Variants in SLC38A7 observed in about 807,000 individuals in gnomAD.
SLC38A7 encodes the protein solute carrier family 38 member 7.
SLC38A7 carries 29 observed loss-of-function variants against 50.1 expected under a neutral mutation model. The observed-to-expected ratio is 0.58, with a 90% CI of 0.43 to 0.79. The LOEUF is 0.79. Ranked by LOEUF, SLC38A7 falls within the 30% of genes least tolerant of loss-of-function variation. The pLI, the probability that SLC38A7 is intolerant of heterozygous loss-of-function variation, is 0.00. For missense variants in SLC38A7, 483 were observed against 610.6 expected (o/e 0.79, Z 2.20); for synonymous variants, 244 against 245.9 (o/e 0.99, Z 0.07).
In SLC38A7 at chr16:58,678,892, A is replaced by G. The variant is rs147354575; in HGVS notation, c.273T>C (p.Gly91=). 8.6e-5 allele frequency: 139 copies of G among 1,612,432 alleles called. No individual in the cohort carries two copies. In the East Asian group the frequency reaches 2.3e-3, roughly 27 times the overall value. Residue 91 remains glycine (G), a splice_region_variant and synonymous_variant, in exon 4 of 12, where the codon GGT becomes GGC. Coordinates refer to ENST00000219320, the MANE Select transcript of SLC38A7 (RefSeq NM_018231.3). This position sits in a 1 kb window ranked among gnomAD's most constrained non-coding sequence, Gnocchi z 4.0. ...GGCCACTGATGATGAAAACCAGCATACCCTGCAGGCAGAGGCAGAACAAGA... is the reference window on the plus strand; with the variant it reads ...GGCCACTGATGATGAAAACCAGCATGCCCTGCAGGCAGAGGCAGAACAAGA... ...GVAAGIALQM[G]MLVFIISGLV...
chr16:58,675,020 A>G (rs1190272648), intron 8 of SLC38A7, among the ~76,000 whole-genome samples: 1 of 151,978 alleles, frequency 6.6e-6, no homozygotes, highest in South Asian at 2.1e-4. Context: ...ACCTGCCCCC[A>G]TCACACACCA....
intron 8 of SLC38A7, chr16:58,675,260 A>C: frequency 2.5e-6 from 1 of 398,548 alleles, no homozygotes; most frequent in Non-Finnish European, 4.8e-6. Flanking sequence ...TAACCCCAGC[A>C]CTTTGGGAGG....
chr16:58,673,083 ATTTTTTTTTT>A (rs34081609), intron 8 of SLC38A7, among the ~76,000 whole-genome samples: 5 of 60,392 alleles, frequency 8.3e-5, no homozygotes, highest in East Asian at 6.0e-4. Flanking sequence ...TGCCCGGCTA[ATTTTTTTTTT>A]TTTTTTTTTT....
chr16:58,669,501 A>T (rs778781704), intron 11 of SLC38A7, among the ~76,000 whole-genome samples: 8 of 152,142 alleles, frequency 5.3e-5, no homozygotes, highest in African/African-American at 7.2e-5. Context: ...GCACACATGT[A>T]CAGAAGTGGT....
Position 58,672,231 on chromosome 16 carries a change from A to T in SLC38A7, c.896T>A (p.Phe299Tyr), listed in dbSNP as rs751114657. The T allele has an allele frequency of 6.9e-6, 11 of 1,583,424 alleles. No individual in the cohort carries two copies. The highest frequency in any genetic ancestry group is 1.7e-4 in the Middle Eastern group (1 of 6,034). The part of the protein sequence containing the change: ...AVYMGTGICG[F>Y]LTFGAAVDPD... ...ATCCACAGCAGCTCCAAAGGTCAGG[A>T]AGCCACAGATGCCTGTGGGCAGGGA... The change falls in exon 9 of 12, where the codon TTC (phenylalanine) becomes TAC (tyrosine). Residue 299 changes from phenylalanine (F) to tyrosine (Y), a missense_variant. By Grantham distance (22) the Phe-to-Tyr change is conservative (BLOSUM62 3). Transcript: ENST00000219320.
chr16:58,668,886 C>T (rs1345600694), intron 11 of SLC38A7, among the ~76,000 whole-genome samples: 1 of 150,364 alleles, frequency 6.7e-6, no homozygotes, highest in Non-Finnish European at 1.5e-5. Context: ...AATTCTCCTA[C>T]CTCAGCCTCC....
Position 58,671,109 on chromosome 16 carries a change from A to C in SLC38A7, c.1167T>G (p.Pro389=). ...TGACTGAGATCACCTTGCCGATGTC[A>C]GGGATGAAGAGCGCCAGCAGCAGGG... ...LLTLLLALFI[P]DIGKVISVIG... The change falls in exon 10 of 12, where the codon CCT becomes CCG. Residue 389 remains proline, a synonymous_variant. Coordinates refer to ENST00000219320, the MANE Select transcript of SLC38A7 (RefSeq NM_018231.3). The C allele has an allele frequency of 2.5e-6, 4 of 1,613,856 alleles. No homozygotes were observed. Among genetic ancestry groups the C allele is most frequent in the Non-Finnish European group, 3.4e-6 (4 of 1,179,888 alleles).
intron 7 of SLC38A7, 91 bp downstream of exon 7, chr16:58,676,198 A>C: frequency 3.8e-6 from 6 of 1,589,184 alleles, no homozygotes; most frequent in South Asian, 1.1e-5. Flanking sequence ...GATTTCCTCC[A>C]TTCTGCCTGG....
At chr16:58,679,818 A>G (rs745645749) in intron 3 of SLC38A7, 39 bp downstream of exon 3, 6 of 1,610,854 alleles carry the variant, frequency 3.7e-6, no homozygotes, top group East Asian at 2.2e-5. Flanking sequence ...AAAGCGCCCA[A>G]CTGAACTGCA....
Position 58,675,930 on chromosome 16 carries a change from G to GGA in SLC38A7, c.883+9_883+10insTC. 1 of 1,583,934 alleles carries GGA rather than the reference G, an allele frequency of 6.3e-7. No homozygotes were observed. Among genetic ancestry groups the GGA allele is most frequent in the South Asian group, 1.1e-5 (1 of 88,342 alleles). On this transcript the variant is annotated intron_variant, in intron 8 of 11. Transcript: ENST00000219320. ...TCTAGTCCCAGGTCTTGGGGGGGGG[G>GGA]AGCACTCACCTGTCCCCATGTAGAC...
chr16:58,672,093 C>A lies in SLC38A7; in HGVS notation c.1031+3G>T. The A allele has an allele frequency of 6.4e-7, 1 of 1,553,386 alleles. No individual in the cohort carries two copies. The highest frequency in any genetic ancestry group is 2.4e-5 in the East Asian group (1 of 41,220). On this transcript the variant is annotated splice_donor_region_variant and intron_variant, in intron 9 of 11. Transcript: ENST00000219320. ...GGGCCCTGGGGAGTGGAAGGGGGCT[C>A]ACCGCCCACAGAAGTGCAGGATAGG...
chr16:58,678,903 A>C lies in SLC38A7; in HGVS notation c.271-9T>G, dbSNP rs753929719. ...ATGAAAACCAGCATACCCTGCAGGC[A>C]GAGGCAGAACAAGAGCTTGTGGCAA... On this transcript the variant is annotated splice_polypyrimidine_tract_variant and intron_variant, in intron 3 of 11. Transcript: ENST00000219320. The surrounding 1 kb of genome is among the most constrained non-coding windows in gnomAD (Gnocchi z 4.0). The C allele has an allele frequency of 1.2e-6, 2 of 1,611,108 alleles. No individual in the cohort carries two copies. The highest frequency in any genetic ancestry group is 1.7e-5 in the Admixed American group (1 of 59,990).
intron 9 of SLC38A7, 170 bp downstream of exon 9, chr16:58,671,926 C>G: frequency 1.5e-6 from 1 of 684,928 alleles, no homozygotes; most frequent in Non-Finnish European, 2.3e-6. Flanking sequence ...GGACAAAGGG[C>G]GCTTCTGACA....
Position 58,677,266 on chromosome 16 carries a change from C to A in SLC38A7, c.710+60G>T, listed in dbSNP as rs1387380878. ...TGTGGCCTTCTGGTTCCTGACCCAG[C>A]ACCTGCTGGGGCCCAAGTGGTGGCT... On this transcript the variant is annotated intron_variant, in intron 6 of 11. Coordinates refer to ENST00000219320, the MANE Select transcript of SLC38A7 (RefSeq NM_018231.3). The A allele has an allele frequency of 4.1e-6, 6 of 1,463,508 alleles. No homozygotes were observed. The African/African-American group carries it at 8.4e-5, about 20-fold the overall frequency. 90.7% of individuals were successfully genotyped at this position (1,463,508 alleles called of 1,614,324 possible). A position where few individuals can be genotyped will look rare whatever the true frequency, so the allele number is the denominator to read the frequency against.
chr16:58,675,922 G>T lies in SLC38A7; in HGVS notation c.883+18C>A, dbSNP rs769644624. ...GAGAGCACTCTAGTCCCAGGTCTTG[G>T]GGGGGGGGAGCACTCACCTGTCCCC... On this transcript the variant is annotated intron_variant, in intron 8 of 11. Transcript: ENST00000219320. 24 of 926,804 alleles carry T rather than the reference G, an allele frequency of 2.6e-5. No individual in the cohort carries two copies. The highest frequency in any genetic ancestry group is 1.6e-4 in the South Asian group (8 of 50,690). 57.4% of individuals were successfully genotyped at this position (926,804 alleles called of 1,614,324 possible).
intron 3 of SLC38A7, 147 bp from the exon 4 acceptor site, chr16:58,679,041 G>A (rs534061625): frequency 9.8e-5 from 76 of 777,626 alleles, no homozygotes; most frequent in African/African-American, 1.6e-4. Flanking sequence ...AGAGGATGCC[G>A]AGTTGAGATT....
intron 8 of SLC38A7, among the ~76,000 whole-genome samples, chr16:58,673,555 G>A (rs1875684336): frequency 6.6e-6 from 1 of 151,702 alleles, no homozygotes. Context: ...AGTAAGATGG[G>A]GTTTCGCCAT....
At chr16:58,676,440 T>C (rs1401888499) in intron 6 of SLC38A7, 94 bp from the exon 7 acceptor site, 1 of 1,335,214 alleles carries the variant, frequency 7.5e-7, no homozygotes. Flanking sequence ...CACCATGGTC[T>C]CCAGCAACTG....
chr16:58,668,897 C>T (rs1406788264), intron 11 of SLC38A7, among the ~76,000 whole-genome samples: 2 of 149,406 alleles, frequency 1.3e-5, no homozygotes, highest in Non-Finnish European at 3.0e-5. Context: ...CTCAGCCTCC[C>T]GAGCTAGGAC....
Sources: gnomAD v4.1 joint callset for allele counts (sites outside exome capture counted in the v4.1 genomes callset) on GRCh38, gnomAD v4.1.1 for gene constraint, Gnocchi (gnomAD v3.1) non-coding constraint, MANE v1.5 for transcripts, NCBI Gene and HGNC (gene_info 2026-07-23, HGNC 2026-07-21) for gene names.